HDAC9: variants seen among roughly 807,000 people sequenced by gnomAD.
The protein encoded by HDAC9 is MEF-2 interacting transcription repressor (MITR) protein.
HDAC9 carries 41 observed loss-of-function variants against 139.4 expected under a neutral mutation model. The observed-to-expected ratio is 0.29, with a 90% CI of 0.23 to 0.38. The LOEUF (loss-of-function observed/expected upper bound fraction) is 0.38. HDAC9 is among the 10% of genes least tolerant of loss of function. The pLI is 1.00. For synonymous variants in HDAC9, 517 were observed against 476.2 expected, an observed-to-expected ratio of 1.09 and a Z score of -1.12; for missense variants, 1,147 against 1,297.0, an observed-to-expected ratio of 0.88 and a Z score of 1.78.
chr7:18,307,097 TTGTGTGTGTGTG>T (rs56020648), intron 1 of HDAC9, among the ~76,000 whole-genome samples: 18,324 of 134,870 alleles, frequency 0.14, 1,316 homozygotes, highest in Non-Finnish European at 0.17. Context: ...AGGGCAGTTC[TTGTGTGTGTGTG>T]TGTGTGTGTG....
intron 1 of HDAC9, among the ~76,000 whole-genome samples, chr7:18,155,943 C>T (rs1269522253): frequency 6.6e-6 from 1 of 152,176 alleles, no homozygotes; most frequent in Admixed American, 6.5e-5. Flanking sequence ...TGATGTGGCT[C>T]TTGCTTGTGC....
intron 1 of HDAC9, among the ~76,000 whole-genome samples, chr7:18,369,891 A>C (rs1784465226): frequency 6.6e-6 from 1 of 152,144 alleles, no homozygotes; most frequent in Non-Finnish European, 1.5e-5. Flanking sequence ...GAGAATCTTT[A>C]AATTATTCCA....
chr7:18,836,018 G>C, intron 21 of HDAC9, 21 bp downstream of exon 21: 2 of 1,384,352 alleles, frequency 1.4e-6, no homozygotes, highest in Non-Finnish European at 2.0e-6. Context: ...CTTTCTCTCT[G>C]AAAGTGGCAA....
At chr7:18,453,154 T>G (rs898063109) in intron 1 of HDAC9, among the ~76,000 whole-genome samples, 1 of 152,198 alleles carries the variant, frequency 6.6e-6, no homozygotes, top group African/African-American at 2.4e-5. Context: ...AAAAATTGCT[T>G]TGTATATGCC....
At chr7:18,334,932 A>G (rs1781475711) in intron 1 of HDAC9, among the ~76,000 whole-genome samples, 1 of 151,474 alleles carries the variant, frequency 6.6e-6, no homozygotes, top group Admixed American at 6.6e-5. Flanking sequence ...AAATCACCAG[A>G]TCACTTCTCT....
chr7:18,499,959 G>C (rs1302513115), intron 2 of HDAC9, among the ~76,000 whole-genome samples: 1 of 152,064 alleles, frequency 6.6e-6, no homozygotes, highest in African/African-American at 2.4e-5. Context: ...TCTGTGAAAT[G>C]TTCCTGTCAT....
At chr7:18,524,505 A>G (rs551923110) in intron 2 of HDAC9, among the ~76,000 whole-genome samples, 115 of 152,296 alleles carry the variant, frequency 7.6e-4, no homozygotes, top group African/African-American at 2.6e-3. Context: ...ATCATACAAC[A>G]TGTACAAAAG....
intron 1 of HDAC9, among the ~76,000 whole-genome samples, chr7:18,123,729 G>A (rs1411203387): frequency 1.3e-5 from 2 of 152,026 alleles, no homozygotes; most frequent in East Asian, 1.9e-4. Context: ...GTCTTCCAAG[G>A]GTGAATTCAT....
intron 16 of HDAC9, among the ~76,000 whole-genome samples, chr7:18,787,581 G>A (rs1791926835): frequency 6.6e-6 from 1 of 152,148 alleles, no homozygotes; most frequent in South Asian, 2.1e-4. Context: ...GGTACATAAA[G>A]CAAGGCTTGG....
chr7:18,579,237 G>A (rs936445692), intron 2 of HDAC9, among the ~76,000 whole-genome samples: 4 of 152,304 alleles, frequency 2.6e-5, no homozygotes, highest in South Asian at 2.1e-4. Flanking sequence ...AAATGAAAAG[G>A]AGTTGATGGA....
intron 25 of HDAC9, among the ~76,000 whole-genome samples, chr7:18,979,403 G>T (rs1201081630): frequency 6.6e-6 from 1 of 152,016 alleles, no homozygotes; most frequent in East Asian, 1.9e-4. Context: ...CCATCCCAAT[G>T]GGATTGTGTC....
intron 7 of HDAC9, among the ~76,000 whole-genome samples, chr7:18,633,653 A>C (rs561167498): frequency 6.6e-6 from 1 of 152,196 alleles, no homozygotes; most frequent in South Asian, 2.1e-4. Context: ...AGGCAAGATC[A>C]TTTGTGCAGA....
At chr7:18,153,792 T>C (rs1192056970) in intron 1 of HDAC9, among the ~76,000 whole-genome samples, 2 of 152,162 alleles carry the variant, frequency 1.3e-5, no homozygotes, top group African/African-American at 4.8e-5. Flanking sequence ...GAGGGTGCCA[T>C]GTACCTCACA....
chr7:18,292,728 G>T (rs1334425439), intron 1 of HDAC9, among the ~76,000 whole-genome samples: 2 of 152,124 alleles, frequency 1.3e-5, no homozygotes, highest in African/African-American at 4.8e-5. Context: ...GTCAGTTTTT[G>T]AGAACATGGA....
At position 19,000,451 on chromosome 7, in the gene HDAC9, A is replaced by C. The variant is rs542820494; in HGVS notation, c.*4389A>C. ...GACCAGAGGATGACATTTGTAAGTG[A>C]ACGTGGTATACTCACACATGCTATA... On this transcript the variant is annotated 3_prime_UTR_variant, in exon 26 of 26. Transcript: ENST00000686413. The C allele has an allele frequency of 6.6e-6, 1 of 152,336 alleles. No homozygotes were observed. Among genetic ancestry groups the C allele is most frequent in the African/African-American group, 2.4e-5 (1 of 41,586 alleles). The allele number at this position is 152,336 out of a possible 1,614,324, so 9.4% of individuals were successfully genotyped here.
intron 5 of HDAC9, 25 bp downstream of exon 5, chr7:18,591,667 C>A: frequency 1.2e-6 from 2 of 1,610,394 alleles, no homozygotes; most frequent in South Asian, 1.1e-5. Flanking sequence ...TGGCTGTTTT[C>A]ATTCCTGGGG....
At chr7:18,310,440 A>G (rs529566997) in intron 1 of HDAC9, among the ~76,000 whole-genome samples, 3 of 152,302 alleles carry the variant, frequency 2.0e-5, no homozygotes, top group African/African-American at 7.2e-5. Context: ...GTAAAGTAAG[A>G]GTTAGCCTGT....
chr7:18,239,406 T>C (rs989250922), intron 2 of HDAC9, among the ~76,000 whole-genome samples: 4 of 152,076 alleles, frequency 2.6e-5, no homozygotes, highest in African/African-American at 7.2e-5. Flanking sequence ...GGAGAGGAGA[T>C]AGGAGAGAGG....
chr7:18,652,532 GATATA>G (rs1242544791), intron 11 of HDAC9, among the ~76,000 whole-genome samples: 1 of 151,732 alleles, frequency 6.6e-6, no homozygotes, highest in African/African-American at 2.4e-5. Flanking sequence ...CTATTTGAAT[GATATA>G]TAGAAAATTT....
Sources: allele counts gnomAD v4.1 joint callset (sites outside exome capture counted in the v4.1 genomes callset), GRCh38; gene constraint gnomAD v4.1.1; transcripts MANE v1.5; gene names NCBI Gene and HGNC (gene_info 2026-07-23, HGNC 2026-07-21).